TRPM3: variants seen among roughly 807,000 people sequenced by gnomAD.
The protein encoded by TRPM3 is long transient receptor potential channel 3.
A neutral mutation model predicts 181.2 loss-of-function variants in TRPM3; 77 were observed. That is an observed-to-expected ratio of 0.42 (90% CI 0.35 to 0.51). The LOEUF (loss-of-function observed/expected upper bound fraction) is 0.51, where lower values mean the gene tolerates loss of function less well. Ranked by LOEUF, TRPM3 falls within the 20% of genes least tolerant of loss-of-function variation. The probability of loss-of-function intolerance (pLI) is 0.01; values close to 1 mark genes in which losing one functional copy is unlikely to be tolerated. For synonymous variants in TRPM3, 745 were observed against 796.4 expected (o/e 0.94, Z 1.09); for missense variants, 1,759 against 2,196.7 (o/e 0.80, Z 3.98).
chr9:70,658,879 A>G (rs1297487787), intron 9 of TRPM3, among the ~76,000 whole-genome samples: 3 of 152,076 alleles, frequency 2.0e-5, no homozygotes, highest in African/African-American at 7.2e-5. Context: ...CATGGACTGA[A>G]CTAACAGAAG....
Position 70,671,867 on chromosome 9 carries a change from G to A in TRPM3, c.1345+9639C>T, listed in dbSNP as rs191065031. Among the ~76,000 whole-genome samples, 31 of 151,382 alleles carry A rather than the reference G, an allele frequency of 2.0e-4. 1 individual carries two copies. The highest frequency in any genetic ancestry group is 1.6e-3 in the Admixed American group (24 of 15,214). ...GCATCCTCCGTTACCCACTTCAAGC[G>A]TTTCTCCTGCCTCAGCCTCCCCAGT... On this transcript the variant is annotated intron_variant, in intron 9 of 25. Transcript: ENST00000677713.
intron 1 of TRPM3, among the ~76,000 whole-genome samples, chr9:71,283,509 T>C (rs546451635): frequency 1.3e-5 from 2 of 152,284 alleles, no homozygotes; most frequent in East Asian, 3.9e-4. Flanking sequence ...TTTCACCGTG[T>C]TAGCCAGGAT....
intron 8 of TRPM3, among the ~76,000 whole-genome samples, chr9:70,741,413 A>C (rs2074061247): frequency 6.6e-6 from 1 of 152,180 alleles, no homozygotes; most frequent in Non-Finnish European, 1.5e-5. Flanking sequence ...AACACTGTGG[A>C]TATTCCTTAA....
At chr9:71,262,670 C>T (rs188345608) in intron 1 of TRPM3, among the ~76,000 whole-genome samples, 58 of 152,310 alleles carry the variant, frequency 3.8e-4, no homozygotes, top group African/African-American at 1.1e-3. Flanking sequence ...TGTAGGCACC[C>T]GAGGGAATCT....
intron 1 of TRPM3, among the ~76,000 whole-genome samples, chr9:71,360,628 T>C (rs1269196159): frequency 2.0e-5 from 3 of 152,178 alleles, no homozygotes; most frequent in Non-Finnish European, 4.4e-5. Context: ...TAGTAGATGA[T>C]TCATAATAAG....
chr9:71,326,424 TTGTA>T (rs902922349), intron 1 of TRPM3, among the ~76,000 whole-genome samples: 1 of 152,178 alleles, frequency 6.6e-6, no homozygotes. Context: ...GCATGTATGT[TTGTA>T]TGTATGTATG....
intron 1 of TRPM3, among the ~76,000 whole-genome samples, chr9:71,335,506 C>T (rs1449251328): frequency 6.6e-6 from 1 of 152,074 alleles, no homozygotes; most frequent in Non-Finnish European, 1.5e-5. Flanking sequence ...ATACTGAACA[C>T]TTTAAACTTG....
chr9:71,334,167 C>G (rs1269541647), intron 1 of TRPM3, among the ~76,000 whole-genome samples: 1 of 151,646 alleles, frequency 6.6e-6, no homozygotes, highest in Non-Finnish European at 1.5e-5. Flanking sequence ...TAGGCACAAC[C>G]ACCAGTAATA....
At chr9:71,162,036 T>C (rs1253290299) in intron 1 of TRPM3, among the ~76,000 whole-genome samples, 3 of 151,676 alleles carry the variant, frequency 2.0e-5, no homozygotes, top group Non-Finnish European at 4.4e-5. Flanking sequence ...ACCCCGTCTC[T>C]ACTAAAATAA....
intron 1 of TRPM3, among the ~76,000 whole-genome samples, chr9:71,324,247 T>C (rs1358530303): frequency 6.6e-6 from 1 of 152,020 alleles, no homozygotes; most frequent in Non-Finnish European, 1.5e-5. Flanking sequence ...TAAGTAATAA[T>C]TGGAAATTAG....
At chr9:71,439,902 C>T (rs542150676) in intron 1 of TRPM3, among the ~76,000 whole-genome samples, 57 of 152,072 alleles carry the variant, frequency 3.7e-4, no homozygotes, top group African/African-American at 1.3e-3. Flanking sequence ...AGGCAGATCA[C>T]GAGGTCAGGA....
At chr9:71,364,601 C>G (rs184438152) in intron 1 of TRPM3, among the ~76,000 whole-genome samples, 2 of 152,156 alleles carry the variant, frequency 1.3e-5, no homozygotes, top group Non-Finnish European at 2.9e-5. Context: ...AGGCTCAGAG[C>G]TAAACTGGGA....
Position 71,315,581 on chromosome 9 carries a change from G to C in TRPM3, c.183+131072C>G, listed in dbSNP as rs547429617. Among the ~76,000 whole-genome samples, 192 of 152,126 alleles carry C rather than the reference G, an allele frequency of 1.3e-3. 1 individual carries two copies. The highest frequency in any genetic ancestry group is 4.4e-3 in the African/African-American group (181 of 41,516). On this transcript the variant is annotated intron_variant, in intron 1 of 24. Coordinates refer to the TRPM3 transcript ENST00000357533. ...TTTTAAGACCATCAAATCCAGCTAA[G>C]TTTATAGCCATCTACTAGATTCACA...
At chr9:70,834,411 G>A (rs1012739117) in intron 5 of TRPM3, among the ~76,000 whole-genome samples, 1 of 152,200 alleles carries the variant, frequency 6.6e-6, no homozygotes, top group Non-Finnish European at 1.5e-5. Flanking sequence ...GGAAAAGGCT[G>A]TTGAGTTCTG....
At chr9:71,089,898 AAAG>A (rs775234322) in intron 1 of TRPM3, among the ~76,000 whole-genome samples, 5 of 152,152 alleles carry the variant, frequency 3.3e-5, no homozygotes, top group Admixed American at 1.3e-4. Flanking sequence ...CCATACTGGA[AAAG>A]AAGAATTGTC....
At chr9:71,390,106 ATAGT>A (rs1269765872) in intron 1 of TRPM3, among the ~76,000 whole-genome samples, 3 of 152,078 alleles carry the variant, frequency 2.0e-5, no homozygotes, top group South Asian at 2.1e-4. Context: ...ATATCAGTAG[ATAGT>A]TAGGTATGCA....
chr9:70,989,499 T>G (rs1283122967), intron 1 of TRPM3, among the ~76,000 whole-genome samples: 1 of 152,200 alleles, frequency 6.6e-6, no homozygotes, highest in African/African-American at 2.4e-5. Flanking sequence ...CCCCAAAGGT[T>G]TACAACTGTA....
intron 1 of TRPM3, among the ~76,000 whole-genome samples, chr9:71,202,689 T>G (rs943844264): frequency 2.0e-4 from 30 of 152,180 alleles, no homozygotes; most frequent in Non-Finnish European, 3.7e-4. Context: ...CTGTAACATT[T>G]TAGCGCAGCA....
At chr9:71,267,578 CT>C (rs1333904531) in intron 1 of TRPM3, among the ~76,000 whole-genome samples, 1 of 151,958 alleles carries the variant, frequency 6.6e-6, no homozygotes, top group Non-Finnish European at 1.5e-5. Flanking sequence ...CTACTTATCT[CT>C]GTCACTCCTC....
Sources: gnomAD v4.1 joint callset for allele counts (sites outside exome capture counted in the v4.1 genomes callset) on GRCh38, gnomAD v4.1.1 for gene constraint, MANE v1.5 for transcripts, NCBI Gene and HGNC (gene_info 2026-07-23, HGNC 2026-07-21) for gene names.